The following PPFIBP2 variants were observed in gnomAD, a reference collection of about 807,000 sequenced individuals.
The protein encoded by PPFIBP2 is liprin-beta-2.
Under a neutral mutation model 118.3 loss-of-function variants are expected in PPFIBP2, and 118 were observed. The observed-to-expected ratio is 1.00, with a 90% confidence interval of 0.86 to 1.16. The LOEUF (loss-of-function observed/expected upper bound fraction) is 1.16. PPFIBP2 is among the 50% of genes most tolerant of loss of function. PPFIBP2 has a pLI of 0.00. For synonymous variants in PPFIBP2, 414 were observed against 397.4 expected, an observed-to-expected ratio of 1.04 and a Z score of -0.50; for missense variants, 1,195 against 1,073.1, an observed-to-expected ratio of 1.11 and a Z score of -1.59.
chr11:7,573,942 T>C (rs1004061203), intron 3 of PPFIBP2: 25 of 152,258 alleles, frequency 1.6e-4, no homozygotes, highest in Admixed American at 1.6e-3. Flanking sequence ...TGCTGATTTC[T>C]GGTAGGCAGC....
chr11:7,659,674 A>G (rs1590848281), downstream of PPFIBP2, among the ~76,000 whole-genome samples: 1 of 129,010 alleles, frequency 7.8e-6, no homozygotes, highest in South Asian at 2.8e-4. Flanking sequence ...GTTTTTTCCA[A>G]TTCTGTGAAG....
intron 15 of PPFIBP2, 73 bp from the exon 16 acceptor site, chr11:7,641,406 C>G: frequency 6.5e-7 from 1 of 1,534,180 alleles, no homozygotes. Flanking sequence ...AAGGGGAGGG[C>G]CCAGGCTTGG....
At position 7,641,601 on chromosome 11, in the gene PPFIBP2, A is replaced by G; in HGVS notation, c.1498A>G (p.Ile500Val). The G allele has an allele frequency of 6.2e-7, 1 of 1,614,064 alleles. No individual in the cohort carries two copies. The highest frequency in any genetic ancestry group is 2.2e-5 in the East Asian group (1 of 44,888). ...TPDGKRNPKG[I>V]KKFWGKIRRT... ...AGATGGTAAACGGAATCCCAAAGGCATTAAGAAGTTCTGGGGAAAGTAAGT... is the reference window on the plus strand; with the variant it reads ...AGATGGTAAACGGAATCCCAAAGGCGTTAAGAAGTTCTGGGGAAAGTAAGT... The change falls in exon 16 of 24, where the codon ATT becomes GTT. Residue 500 changes from isoleucine (I) to valine (V), a missense_variant. Physicochemically the swap from Ile to Val is conservative, Grantham distance 29. Coordinates refer to ENST00000299492, the MANE Select transcript of PPFIBP2 (RefSeq NM_003621.5).
intron 3 of PPFIBP2, among the ~76,000 whole-genome samples, chr11:7,581,626 G>A (rs1034028756): frequency 6.6e-6 from 1 of 152,164 alleles, no homozygotes; most frequent in African/African-American, 2.4e-5. Flanking sequence ...GACTTGCCTT[G>A]CATTCATGTT....
At chr11:7,593,307 A>T (rs1859679461) in intron 4 of PPFIBP2, 83 bp downstream of exon 4, 4 of 1,507,528 alleles carry the variant, frequency 2.7e-6, no homozygotes, top group African/African-American at 2.8e-5. Context: ...AGCCCAAGAG[A>T]TTTTCTCTGT....
At chr11:7,544,846 C>T (rs1590184434) in intron 1 of PPFIBP2, among the ~76,000 whole-genome samples, 1 of 150,644 alleles carries the variant, frequency 6.6e-6, no homozygotes, top group Non-Finnish European at 1.5e-5. Flanking sequence ...TTTCACATGT[C>T]GCTTGGGATT....
intron 1 of PPFIBP2, among the ~76,000 whole-genome samples, chr11:7,543,797 G>C (rs563877806): frequency 6.6e-6 from 1 of 152,306 alleles, no homozygotes; most frequent in Middle Eastern, 3.4e-3. Flanking sequence ...ATAAATCACT[G>C]TTTGCCTCAG....
chr11:7,595,865 A>G (rs1193923204), intron 4 of PPFIBP2, among the ~76,000 whole-genome samples: 2 of 150,950 alleles, frequency 1.3e-5, no homozygotes, highest in African/African-American at 4.9e-5. Flanking sequence ...ATTATAATGT[A>G]ACTCCTTAGG....
chr11:7,572,405 C>T lies in PPFIBP2; in HGVS notation c.279+6638C>T, dbSNP rs114815572. On this transcript the variant is annotated intron_variant, in intron 3 of 23. Transcript: ENST00000299492. Reference sequence around the variant, plus strand: ...TGCCCCCCAAAGTAAATTTACCCTACTAAATTCTAGCAATCCGGCTCCTTT... The same window carrying T: ...TGCCCCCCAAAGTAAATTTACCCTATTAAATTCTAGCAATCCGGCTCCTTT... Among the ~76,000 whole-genome samples the T allele has an allele frequency of 3.3e-3, 504 of 152,256 alleles. 4 individuals are homozygous for T. Among genetic ancestry groups the T allele is most frequent in the African/African-American group, 0.012 (478 of 41,520 alleles).
chr11:7,551,017 A>ATT (rs1435924969), intron 2 of PPFIBP2, among the ~76,000 whole-genome samples: 2 of 151,960 alleles, frequency 1.3e-5, no homozygotes, highest in Admixed American at 6.6e-5. Flanking sequence ...AGTACTTAAT[A>ATT]AACTCCCCTT....
rs926208926 is a variant in PPFIBP2, at chr11:7,653,423, A to G, written c.*205A>G. 4.0e-6 allele frequency: 6 copies of G among 1,498,084 alleles called. No homozygotes were observed. The African/African-American group carries it at 4.1e-5, about 10-fold the overall frequency. 92.8% of individuals were successfully genotyped at this position (1,498,084 alleles called of 1,614,324 possible). ...TCTAAGGGGCCAGGCTTTGGGGACC[A>G]TTGCCAAAGGTGGACTCAGGAGGAA... On this transcript the variant is annotated 3_prime_UTR_variant, in exon 24 of 24. Coordinates refer to ENST00000299492, the MANE Select transcript of PPFIBP2 (RefSeq NM_003621.5).
Position 7,653,075 on chromosome 11 carries a change from G to C in PPFIBP2, c.2488G>C (p.Asp830His). Residue 830 changes from aspartate to histidine, a missense_variant, in exon 24 of 24, where the codon GAT becomes CAT. Transcript: ENST00000299492. ...HFGNIRKKKF[D>H]ESTDYICPME... ...CGGAAACATAAGAAAAAAGAAGTTC[G>C]ATGAATCGACGGACTACATTTGCCC... 1 of 1,613,446 alleles carries C rather than the reference G, an allele frequency of 6.2e-7. No individual in the cohort carries two copies. Among genetic ancestry groups the C allele is most frequent in the South Asian group, 1.1e-5 (1 of 91,050 alleles).
At chr11:7,609,622 T>C (rs943290094) in intron 5 of PPFIBP2, among the ~76,000 whole-genome samples, 4 of 152,210 alleles carry the variant, frequency 2.6e-5, no homozygotes, top group Admixed American at 6.5e-5. Context: ...CTGCTACTGT[T>C]CTAGTGATGG....
chr11:7,651,587 T>G (rs1854014172), intron 22 of PPFIBP2, 69 bp from the exon 23 acceptor site: 3 of 1,451,006 alleles, frequency 2.1e-6, no homozygotes, highest in African/African-American at 1.4e-5. Flanking sequence ...CAGGCCAGTC[T>G]CTCAGCATCC....
chr11:7,556,618 T>C, intron 2 of PPFIBP2, among the ~76,000 whole-genome samples: 1 of 152,262 alleles, frequency 6.6e-6, no homozygotes, highest in East Asian at 1.9e-4. Context: ...CCAGTCATAG[T>C]TGATTCTTTC....
chr11:7,537,856 A>G (rs1851366988), intron 1 of PPFIBP2, among the ~76,000 whole-genome samples: 2 of 152,062 alleles, frequency 1.3e-5, no homozygotes. Flanking sequence ...TTGTTGGAGT[A>G]CCTGCACTGT....
At chr11:7,568,892 A>C (rs1855320739) in intron 3 of PPFIBP2, 2 of 152,258 alleles carry the variant, frequency 1.3e-5, no homozygotes, top group South Asian at 4.1e-4. Flanking sequence ...TAATTTATTC[A>C]CAAGCTATGG....
At chr11:7,618,782 A>T (rs910031903) in intron 6 of PPFIBP2, among the ~76,000 whole-genome samples, 1 of 151,574 alleles carries the variant, frequency 6.6e-6, no homozygotes, top group Non-Finnish European at 1.5e-5. Flanking sequence ...GGGTTTCACC[A>T]TGTTAGCCAG....
At chr11:7,566,661 C>T (rs1042072711) in intron 3 of PPFIBP2, among the ~76,000 whole-genome samples, 13 of 152,276 alleles carry the variant, frequency 8.5e-5, no homozygotes, top group Non-Finnish European at 1.6e-4. Context: ...AGCCACTGCA[C>T]CTGGCCAGTA....
Sources: allele counts gnomAD v4.1 joint callset (sites outside exome capture counted in the v4.1 genomes callset), GRCh38; gene constraint gnomAD v4.1.1; transcripts MANE v1.5; gene names NCBI Gene and HGNC (gene_info 2026-07-23, HGNC 2026-07-21).